The following THOC1 variants were observed in gnomAD, a reference collection of about 807,000 sequenced individuals.
THOC1 encodes THO complex 1.
In THOC1, 29 loss-of-function variants were observed where a neutral mutation model predicts 97.3. That is an observed-to-expected ratio of 0.30 (90% CI 0.22 to 0.41). The LOEUF is 0.41. Among genes scored for constraint, THOC1 ranks in the 10% least tolerant of loss-of-function variants. THOC1 has a pLI of 1.00. For synonymous variants in THOC1, 255 were observed against 257.0 expected (o/e 0.99, Z 0.07); for missense variants, 529 against 761.9 (o/e 0.69, Z 3.60).
At chr18:217,064 G>A (rs531689954) in intron 18 of THOC1, among the ~76,000 whole-genome samples, 1 of 152,320 alleles carries the variant, frequency 6.6e-6, no homozygotes, top group South Asian at 2.1e-4. Flanking sequence ...GAAACAAACT[G>A]CAGAGAAATT....
intron 18 of THOC1, among the ~76,000 whole-genome samples, chr18:216,987 A>C (rs1910914314): frequency 6.6e-6 from 1 of 152,244 alleles, no homozygotes; most frequent in South Asian, 2.1e-4. Flanking sequence ...CCATCTAGCT[A>C]TTTGGAATCC....
intron 12 of THOC1, 182 bp from the exon 13 acceptor site, chr18:225,585 A>T: frequency 1.7e-6 from 1 of 591,434 alleles, no homozygotes; most frequent in Non-Finnish European, 3.0e-6. Context: ...CTTCCTCAAG[A>T]GGGTTGGTAC....
chr18:235,168 G>A (rs977289112), intron 11 of THOC1, among the ~76,000 whole-genome samples: 2 of 147,806 alleles, frequency 1.4e-5, no homozygotes, highest in African/African-American at 2.5e-5. Context: ...AAATTTATTC[G>A]TAGTTGTTCA....
intron 15 of THOC1, 33 bp from the exon 16 acceptor site, chr18:224,212 A>G (rs1911193951): frequency 7.2e-7 from 1 of 1,384,788 alleles, no homozygotes. Context: ...TATTTTTTGA[A>G]TTACAAATGG....
intron 1 of THOC1, 105 bp downstream of exon 1, chr18:267,861 C>A: frequency 8.2e-7 from 1 of 1,214,636 alleles, no homozygotes; most frequent in Non-Finnish European, 1.1e-6. Context: ...GAGGCGGACA[C>A]ACCTCTGTCT....
chr18:265,455 A>T lies in THOC1; in HGVS notation c.128+2T>A, dbSNP rs770109899. 1 of 1,596,700 alleles carries T rather than the reference A, an allele frequency of 6.3e-7. No homozygotes were observed. The highest frequency in any genetic ancestry group is 8.5e-7 in the Non-Finnish European group (1 of 1,171,374). ...TATTTTTCATAGATATCAATGCCTT[A>T]CCTGCCAGGTACCTGGCTGAAGGTA... On this transcript the variant is annotated splice_donor_variant, in intron 2 of 20. Coordinates refer to ENST00000261600, the MANE Select transcript of THOC1 (RefSeq NM_005131.3). LOFTEE classifies it high-confidence loss of function.
At chr18:226,524 C>T (rs536484069) in intron 12 of THOC1, 14 of 300,758 alleles carry the variant, frequency 4.7e-5, no homozygotes, top group South Asian at 3.3e-4. Flanking sequence ...AAGGGAATGA[C>T]GGAATTTTGG....
At chr18:229,481 A>G (rs978093324) in intron 11 of THOC1, among the ~76,000 whole-genome samples, 5 of 151,632 alleles carry the variant, frequency 3.3e-5, no homozygotes, top group Non-Finnish European at 1.5e-5. Context: ...GGAGTTCGAG[A>G]CCAGCCTGGC....
rs1045985006 is a variant in THOC1 at position 259,662 on chromosome 18, T to G, written c.424+20A>C. The G allele has an allele frequency of 2.6e-6, 4 of 1,524,782 alleles. No individual in the cohort carries two copies. The highest frequency in any genetic ancestry group is 3.5e-6 in the Non-Finnish European group (4 of 1,130,566). 94.5% of individuals were successfully genotyped at this position (1,524,782 alleles called of 1,614,324 possible). A position where few individuals can be genotyped will look rare whatever the true frequency, so the allele number is the denominator to read the frequency against. ...ATATTTACACTTAAAAAGCAATCAT[T>G]TTATCACTCAATTACTTACCATTGC... On this transcript the variant is annotated intron_variant, in intron 6 of 20. Coordinates refer to ENST00000261600, the MANE Select transcript of THOC1 (RefSeq NM_005131.3).
intron 17 of THOC1, among the ~76,000 whole-genome samples, chr18:221,624 T>C (rs75968716): frequency 2.7e-5 from 4 of 149,098 alleles, no homozygotes; most frequent in African/African-American, 9.8e-5. Flanking sequence ...TTTTTTTTTT[T>C]TTGAGACGGA....
At chr18:246,005 T>G (rs1471458915) in intron 11 of THOC1, 2 of 170,268 alleles carry the variant, frequency 1.2e-5, no homozygotes, top group African/African-American at 2.4e-5. Flanking sequence ...AAATAATAAT[T>G]ATGAAATATT....
At chr18:248,972 G>A (rs1216568895) in intron 9 of THOC1, among the ~76,000 whole-genome samples, 2 of 152,094 alleles carry the variant, frequency 1.3e-5, no homozygotes, top group Non-Finnish European at 2.9e-5. Context: ...GGATGGTCTC[G>A]AGTTCCTGAC....
rs1323418644 is a variant in THOC1, at chr18:247,935, G to A, written c.700C>T (p.Leu234=). The change falls in exon 10 of 21, where the codon CTG becomes TTG. Residue 234 remains leucine, a synonymous_variant. Transcript: ENST00000261600. Reference sequence around the variant, plus strand: ...TGAAGTGACCAGAATTTTCGATACAGGTTGTAATCAATTGGAATAGAGCTA... The same window carrying A: ...TGAAGTGACCAGAATTTTCGATACAAGTTGTAATCAATTGGAATAGAGCTA... ...TTCSIPIDYN[L]YRKFWSLQDY... 1 of 1,600,926 alleles carries A rather than the reference G, an allele frequency of 6.2e-7. No individual in the cohort carries two copies.
intron 11 of THOC1, among the ~76,000 whole-genome samples, chr18:241,148 C>T (rs550594063): frequency 5.3e-5 from 8 of 151,908 alleles, no homozygotes; most frequent in Non-Finnish European, 8.8e-5. Context: ...CCTCCCATGC[C>T]GAGAACAACT....
At chr18:233,090 C>CAA (rs1323860912) in intron 11 of THOC1, among the ~76,000 whole-genome samples, 2 of 152,166 alleles carry the variant, frequency 1.3e-5, no homozygotes, top group Non-Finnish European at 2.9e-5. Flanking sequence ...TTTTCCCTCA[C>CAA]AATTTGTGCT....
Position 261,346 on chromosome 18 carries a change from C to T in THOC1, c.257-1042G>A, listed in dbSNP as rs116948819. Among the ~76,000 whole-genome samples the T allele has an allele frequency of 5.1e-4, 78 of 152,162 alleles. 1 individual carries two copies. In the East Asian group the frequency reaches 0.012, roughly 24 times the overall value. On this transcript the variant is annotated intron_variant, in intron 4 of 20. Transcript: ENST00000261600. ...GGAAAAATATCTAGGGTGATCTAAG[C>T]CCAAAACAGTGCATTAATATACTAT... is the stretch of plus-strand genomic sequence containing the variant.
rs908186708 is a variant in THOC1 at position 225,634 on chromosome 18, A to G, written c.1020-231T>C. The G allele has an allele frequency of 2.0e-5, 10 of 507,384 alleles. No homozygotes were observed. In the South Asian group the frequency reaches 2.0e-4, roughly 10 times the overall value. The allele number at this position is 507,384 out of a possible 1,614,324, so 31.4% of individuals were successfully genotyped here. A position where few individuals can be genotyped will look rare whatever the true frequency, so the allele number is the denominator to read the frequency against. On this transcript the variant is annotated intron_variant, in intron 12 of 20. Transcript: ENST00000261600. Reference sequence around the variant, plus strand: ...GCATATGCAGGGAATAAAACATTCAATTAATCAATCAGATTCACTATGAAC... The same window carrying G: ...GCATATGCAGGGAATAAAACATTCAGTTAATCAATCAGATTCACTATGAAC...
Position 216,555 on chromosome 18 carries a change from G to A in THOC1, c.1533C>T (p.Thr511=). Residue 511 remains threonine (T), a synonymous_variant, in exon 19 of 21, where the codon ACC becomes ACT. Coordinates refer to ENST00000261600, the MANE Select transcript of THOC1 (RefSeq NM_005131.3). ...CTGGTAAACTTTTAAACTGCTGGTT[G>A]GTTGGCTGGAAGAAGTGAGGGCTTC... ...ARRSPHFFQP[T]NQQFKSLPEY... is the part of the protein sequence containing the mutation. 1 of 1,613,962 alleles carries A rather than the reference G, an allele frequency of 6.2e-7. No homozygotes were observed. Among genetic ancestry groups the A allele is most frequent in the Middle Eastern group, 1.6e-4 (1 of 6,062 alleles).
rs552020718 is a variant in THOC1 at position 252,842 on chromosome 18, T to G, written c.604-230A>C. ...TGATATAACACAGTCATGAAGACAGTAGAAAGTTTCAAATCTACATTTCTA... is the reference window on the plus strand; with the variant it reads ...TGATATAACACAGTCATGAAGACAGGAGAAAGTTTCAAATCTACATTTCTA... On this transcript the variant is annotated intron_variant, in intron 8 of 20. Coordinates refer to ENST00000261600, the MANE Select transcript of THOC1 (RefSeq NM_005131.3). 4.5e-4 allele frequency among the ~76,000 whole-genome samples: 68 copies of G among 152,266 alleles called. 1 individual carries two copies. Among genetic ancestry groups the G allele is most frequent in the African/African-American group, 1.6e-3 (65 of 41,554 alleles).
Sources: gnomAD v4.1 joint callset for allele counts (sites outside exome capture counted in the v4.1 genomes callset) on GRCh38, gnomAD v4.1.1 for gene constraint, MANE v1.5 for transcripts, NCBI Gene and HGNC (gene_info 2026-07-23, HGNC 2026-07-21) for gene names.